Variants in UBR1 observed in about 807,000 individuals in gnomAD.
The protein encoded by UBR1 is E3 ubiquitin-protein ligase UBR1.
A neutral mutation model predicts 242.1 loss-of-function variants in UBR1; 102 were observed. The observed-to-expected ratio is 0.42, with a 90% CI of 0.36 to 0.50. The LOEUF (loss-of-function observed/expected upper bound fraction) is 0.50, where lower values mean the gene tolerates loss of function less well. Ranked by LOEUF, UBR1 falls within the 20% of genes least tolerant of loss-of-function variation. The pLI, the probability that UBR1 is intolerant of heterozygous loss-of-function variation, is 0.01. For missense variants in UBR1, 1,772 were observed against 2,101.8 expected (o/e 0.84, Z 3.07); for synonymous variants, 675 against 684.8 (o/e 0.99, Z 0.22).
At chr15:43,047,116 TA>T (rs1567136095) in intron 14 of UBR1, 44 bp downstream of exon 14, 1 of 1,610,314 alleles carries the variant, frequency 6.2e-7, no homozygotes, top group African/African-American at 1.3e-5. Flanking sequence ...TAATAATTAC[TA>T]AGAACTTAAA....
chr15:43,036,131 A>G, intron 19 of UBR1, 47 bp downstream of exon 19: 1 of 1,425,582 alleles, frequency 7.0e-7, no homozygotes. Flanking sequence ...TGAAATAGTA[A>G]CAATATTTCC....
At chr15:42,952,567 G>T in intron 44 of UBR1, 119 bp from the exon 45 acceptor site, 1 of 1,149,888 alleles carries the variant, frequency 8.7e-7, no homozygotes, top group Non-Finnish European at 1.3e-6. Context: ...CAGCAAGGAA[G>T]CTCTTAAAAC....
At chr15:43,040,673 G>A (rs928993427) in intron 15 of UBR1, among the ~76,000 whole-genome samples, 1 of 152,012 alleles carries the variant, frequency 6.6e-6, no homozygotes, top group Non-Finnish European at 1.5e-5. Context: ...CAGAATGGGA[G>A]AAAATTTTTG....
intron 11 of UBR1, among the ~76,000 whole-genome samples, chr15:43,055,723 T>C (rs1379493803): frequency 1.3e-5 from 2 of 152,138 alleles, no homozygotes; most frequent in Non-Finnish European, 2.9e-5. Context: ...GAGACCAGCC[T>C]GGCCAACATG....
At chr15:43,044,897 A>AG (rs2033464950) in intron 14 of UBR1, among the ~76,000 whole-genome samples, 1 of 152,128 alleles carries the variant, frequency 6.6e-6, no homozygotes, top group South Asian at 2.1e-4. Flanking sequence ...TCCATCTCAA[A>AG]GGAAAAAAAA....
At chr15:43,059,599 A>C in intron 8 of UBR1, 103 bp downstream of exon 8, 1 of 1,417,980 alleles carries the variant, frequency 7.1e-7, no homozygotes, top group Non-Finnish European at 9.5e-7. Flanking sequence ...AAAAAAAAAA[A>C]AAAAAGAAAA....
intron 2 of UBR1, among the ~76,000 whole-genome samples, chr15:43,085,041 T>C (rs529301504): frequency 6.2e-4 from 95 of 152,314 alleles, no homozygotes; most frequent in African/African-American, 2.2e-3. Flanking sequence ...TTGCTTTCAG[T>C]TTCCCTGCCG....
At chr15:43,059,611 C>CT (rs1596124034) in intron 8 of UBR1, 91 bp downstream of exon 8, 3 of 1,084,428 alleles carry the variant, frequency 2.8e-6, no homozygotes, top group East Asian at 5.9e-5. Context: ...AAAAGAAAAA[C>CT]TTTATTTCAT....
chr15:43,040,911 T>G (rs2033409536), intron 15 of UBR1, among the ~76,000 whole-genome samples: 2 of 152,118 alleles, frequency 1.3e-5, no homozygotes. Flanking sequence ...TCACACCAGT[T>G]AGAATGGCGA....
At chr15:43,095,805 A>ACT (rs906853993) in intron 1 of UBR1, among the ~76,000 whole-genome samples, 3 of 152,148 alleles carry the variant, frequency 2.0e-5, no homozygotes, top group African/African-American at 4.8e-5. Flanking sequence ...CAGCAAGGGA[A>ACT]CTCCGAGGTA....
chr15:43,068,294 T>A (rs749919577), intron 5 of UBR1, among the ~76,000 whole-genome samples: 1 of 144,250 alleles, frequency 6.9e-6, no homozygotes, highest in Non-Finnish European at 1.5e-5. Flanking sequence ...GCTCAAGCAA[T>A]CCTCCCACCT....
intron 33 of UBR1, among the ~76,000 whole-genome samples, chr15:42,996,632 C>T (rs552277476): frequency 6.6e-6 from 1 of 152,118 alleles, no homozygotes; most frequent in South Asian, 2.1e-4. Flanking sequence ...AACAAAAAAC[C>T]TTTGTAACTT....
At chr15:43,059,377 C>T (rs1469899136) in intron 8 of UBR1, among the ~76,000 whole-genome samples, 185 bp from the exon 9 acceptor site, 2 of 152,138 alleles carry the variant, frequency 1.3e-5, no homozygotes, top group South Asian at 2.1e-4. Flanking sequence ...AATTTTTATT[C>T]TTATAACATT....
intron 35 of UBR1, among the ~76,000 whole-genome samples, chr15:42,987,980 T>A (rs1194065241): frequency 6.6e-6 from 1 of 152,082 alleles, no homozygotes; most frequent in Non-Finnish European, 1.5e-5. Context: ...ATCTAAGTGA[T>A]CCCTCACTGC....
At chr15:43,036,364 G>A in intron 18 of UBR1, 85 bp from the exon 19 acceptor site, 1 of 1,352,660 alleles carries the variant, frequency 7.4e-7, no homozygotes, top group Non-Finnish European at 1.1e-6. Flanking sequence ...AAATTAAAAA[G>A]TTTGCAGAAG....
At chr15:42,987,662 G>A (rs114804224) in intron 35 of UBR1, among the ~76,000 whole-genome samples, 1,860 of 135,010 alleles carry the variant, frequency 0.014, 42 homozygotes, top group African/African-American at 0.046. Flanking sequence ...TGTGGTGGCC[G>A]AGATTGTGCC....
At position 42,988,943 on chromosome 15, in the gene UBR1, C is replaced by T. The variant is rs149097306; in HGVS notation, c.3873G>A (p.Lys1291=). 1,540 of 1,605,118 alleles carry T rather than the reference C, an allele frequency of 9.6e-4. 11 individuals are homozygous for T. In the African/African-American group the frequency reaches 0.019, roughly 20 times the overall value. The part of the protein sequence containing the change: ...ESSIKYSNSI[K]EMVILFATTI... ...TTGTGGCAAAGAGAATAACCATTTCCTTGATGCTATTTGAATATTTAATCC... is the reference window on the plus strand; with the variant it reads ...TTGTGGCAAAGAGAATAACCATTTCTTTGATGCTATTTGAATATTTAATCC... The change falls in exon 35 of 47, where the codon AAG becomes AAA. Residue 1291 remains lysine (K), a synonymous_variant. Transcript: ENST00000290650.
chr15:43,008,297 C>T (rs544324399), intron 29 of UBR1, among the ~76,000 whole-genome samples: 2 of 152,382 alleles, frequency 1.3e-5, no homozygotes, highest in South Asian at 2.1e-4. Flanking sequence ...CTCAGAAGTG[C>T]GTGTTCTGAG....
At chr15:42,957,894 C>A in intron 44 of UBR1, 119 bp downstream of exon 44, 1 of 914,482 alleles carries the variant, frequency 1.1e-6, no homozygotes, top group Non-Finnish European at 1.7e-6. Context: ...AACAAAAAAA[C>A]CCAAACCAAA....
Sources: allele counts gnomAD v4.1 joint callset (sites outside exome capture counted in the v4.1 genomes callset), GRCh38; gene constraint gnomAD v4.1.1; transcripts MANE v1.5; gene names NCBI Gene and HGNC (gene_info 2026-07-23, HGNC 2026-07-21).